The following DAG1 variants were observed in gnomAD, a reference collection of about 807,000 sequenced individuals.
DAG1 encodes the protein dystroglycan 1 (dystrophin-associated glycoprotein 1).
Under a neutral mutation model 46.1 loss-of-function variants are expected in DAG1, and 8 were observed. The observed-to-expected ratio is 0.17, with a 90% CI of 0.10 to 0.31. DAG1 has a LOEUF of 0.31. Among genes scored for constraint, DAG1 ranks in the 10% least tolerant of loss-of-function variants. DAG1 has a pLI of 1.00. For missense variants in DAG1, 1,003 were observed against 1,189.9 expected, an observed-to-expected ratio of 0.84 and a Z score of 2.31; for synonymous variants, 495 against 481.8, an observed-to-expected ratio of 1.03 and a Z score of -0.36.
chr3:49,479,339 T>C lies in DAG1; in HGVS notation c.-117+8906T>C, dbSNP rs576668770. ...TTTTTTTTTTTTTTGAGACAGAGTCTCTCTCTGTTGCCCAGGCTGGAGTGC... is the reference window on the plus strand; with the variant it reads ...TTTTTTTTTTTTTTGAGACAGAGTCCCTCTCTGTTGCCCAGGCTGGAGTGC... On this transcript the variant is annotated intron_variant, in intron 1 of 2. Transcript: ENST00000308775. Among the ~76,000 whole-genome samples, 4 of 150,852 alleles carry C rather than the reference T, an allele frequency of 2.7e-5. No homozygotes were observed. The South Asian group carries it at 8.4e-4, about 32-fold the overall frequency.
At chr3:49,518,174 G>A (rs1238274295) in intron 2 of DAG1, among the ~76,000 whole-genome samples, 1 of 152,186 alleles carries the variant, frequency 6.6e-6, no homozygotes, top group African/African-American at 2.4e-5. Flanking sequence ...GGGCAGGGCT[G>A]AGTTGCCAAA....
intron 1 of DAG1, among the ~76,000 whole-genome samples, chr3:49,490,368 T>G (rs1350801125): frequency 1.3e-5 from 2 of 151,182 alleles, no homozygotes; most frequent in Non-Finnish European, 3.0e-5. Context: ...AAAAAAAGTT[T>G]TTTTTTTTTA....
Position 49,531,470 on chromosome 3 carries a change from C to T in DAG1, c.959C>T (p.Pro320Leu), listed in dbSNP as rs1400800755. ...AGGCAGATCCATGCTACACCCACAC[C>T]TGTCACTGCCATTGGGCCCCCAACC... ...VRRQIHATPT[P>L]VTAIGPPTTA... is the part of the protein sequence containing the mutation. The change falls in exon 3 of 3, where the codon CCT becomes CTT. Residue 320 changes from proline to leucine, a missense_variant. By Grantham distance (98) the Pro-to-Leu change is moderately conservative. Coordinates refer to ENST00000308775, the MANE Select transcript of DAG1 (RefSeq NM_004393.6). The surrounding 1 kb of genome is among the most constrained non-coding windows in gnomAD (Gnocchi z 7.0). The T allele has an allele frequency of 1.9e-6, 3 of 1,614,032 alleles. No homozygotes were observed. Among genetic ancestry groups the T allele is most frequent in the Non-Finnish European group, 2.5e-6 (3 of 1,179,980 alleles).
At position 49,490,318 on chromosome 3, in the gene DAG1, C is replaced by T. The variant is rs1337415730; in HGVS notation, c.-117+19885C>T. ...CAGTGAGCCGAGATCGCGCCACTGC[C>T]CTCTAGCCTGGGCGACAGAGTGAGA... On this transcript the variant is annotated intron_variant, in intron 1 of 2. Coordinates refer to ENST00000308775, the MANE Select transcript of DAG1 (RefSeq NM_004393.6). 1.3e-5 allele frequency among the ~76,000 whole-genome samples: 2 copies of T among 151,204 alleles called. 1 individual carries two copies. Among genetic ancestry groups the T allele is most frequent in the African/African-American group, 4.9e-5 (2 of 41,146 alleles).
At chr3:49,523,070 A>G (rs1201260092) in intron 2 of DAG1, among the ~76,000 whole-genome samples, 2 of 151,938 alleles carry the variant, frequency 1.3e-5, no homozygotes, top group Non-Finnish European at 2.9e-5. Flanking sequence ...CTCTGCTGCT[A>G]AGGACCTCAG....
At chr3:49,488,052 A>G (rs1000546528) in intron 1 of DAG1, among the ~76,000 whole-genome samples, 5 of 152,182 alleles carry the variant, frequency 3.3e-5, no homozygotes, top group African/African-American at 1.2e-4. Context: ...AAGTTTTACT[A>G]GAAAAACATA....
chr3:49,481,290 T>A (rs2049874655), intron 1 of DAG1, among the ~76,000 whole-genome samples: 1 of 149,298 alleles, frequency 6.7e-6, no homozygotes, highest in African/African-American at 2.5e-5. Flanking sequence ...CCAGCTACTC[T>A]GGAGGCCGAG....
At chr3:49,525,721 G>A (rs537233340) in intron 2 of DAG1, among the ~76,000 whole-genome samples, 15 of 151,898 alleles carry the variant, frequency 9.9e-5, no homozygotes, top group East Asian at 7.7e-4. Flanking sequence ...ACCTCGCCCC[G>A]CTAATTTTTT....
At chr3:49,482,488 G>C (rs539504375) in intron 1 of DAG1, among the ~76,000 whole-genome samples, 8 of 152,306 alleles carry the variant, frequency 5.3e-5, no homozygotes, top group African/African-American at 1.7e-4. Flanking sequence ...CTGCCCTATG[G>C]GGGGAGGCGA....
At chr3:49,492,020 G>A (rs1379642244) in intron 1 of DAG1, among the ~76,000 whole-genome samples, 1 of 150,604 alleles carries the variant, frequency 6.6e-6, no homozygotes, top group Non-Finnish European at 1.5e-5. Flanking sequence ...TCTGCCTCCC[G>A]GGTTCAAGCA....
chr3:49,483,946 AC>A (rs924272879), intron 1 of DAG1, among the ~76,000 whole-genome samples: 36 of 152,244 alleles, frequency 2.4e-4, no homozygotes, highest in African/African-American at 8.2e-4. Context: ...GAGCCACCAC[AC>A]CCGGCCCAGA....
intron 2 of DAG1, among the ~76,000 whole-genome samples, chr3:49,520,555 A>G (rs1394464671): frequency 6.6e-6 from 1 of 152,244 alleles, no homozygotes; most frequent in Non-Finnish European, 1.5e-5. Context: ...TTGCCAACGC[A>G]GGCCTCTGCA....
chr3:49,492,842 A>C (rs1023467832), intron 1 of DAG1: 4 of 151,890 alleles, frequency 2.6e-5, no homozygotes, highest in African/African-American at 9.7e-5. Flanking sequence ...GGATCTCCTG[A>C]ATTTCCAGGT....
intron 2 of DAG1, among the ~76,000 whole-genome samples, chr3:49,525,509 C>G (rs1231876264): frequency 6.6e-6 from 1 of 151,632 alleles, no homozygotes; most frequent in Non-Finnish European, 1.5e-5. Context: ...AGAGCTGGCG[C>G]TTCACACGGC....
At chr3:49,518,897 T>C (rs1422310143) in intron 2 of DAG1, among the ~76,000 whole-genome samples, 1 of 152,190 alleles carries the variant, frequency 6.6e-6, no homozygotes, top group Non-Finnish European at 1.5e-5. Flanking sequence ...CTAAAGCAGA[T>C]AGTCTTGATG....
chr3:49,513,768 C>CTTTATG (rs1368773567), intron 2 of DAG1, among the ~76,000 whole-genome samples: 1 of 152,148 alleles, frequency 6.6e-6, no homozygotes, highest in Non-Finnish European at 1.5e-5. Flanking sequence ...CATAAAGTTT[C>CTTTATG]CTTGTCATCT....
At position 49,532,711 on chromosome 3, in the gene DAG1, A is replaced by C. The variant is rs762713364; in HGVS notation, c.2200A>C (p.Thr734Pro). 2 of 1,614,130 alleles carry C rather than the reference A, an allele frequency of 1.2e-6. No homozygotes were observed. Among genetic ancestry groups the C allele is most frequent in the South Asian group, 1.1e-5 (1 of 91,080 alleles). The change falls in exon 3 of 3, where the codon ACA (threonine) becomes CCA (proline). Residue 734 changes from threonine to proline, a missense_variant. Thr to Pro is a conservative substitution (Grantham distance 38). Coordinates refer to ENST00000308775, the MANE Select transcript of DAG1 (RefSeq NM_004393.6). This position sits in a 1 kb window ranked among gnomAD's most constrained non-coding sequence, Gnocchi z 5.4. ...GAGAGTGCCCTCAGAGGCGCCGCCCACAGAAGTGCCTGACAGGGACCCTGA... is the reference window on the plus strand; with the variant it reads ...GAGAGTGCCCTCAGAGGCGCCGCCCCCAGAAGTGCCTGACAGGGACCCTGA... ...PRRVPSEAPP[T>P]EVPDRDPEKS... is the part of the protein sequence containing the mutation.
At chr3:49,521,514 C>T (rs770733345) in intron 2 of DAG1, among the ~76,000 whole-genome samples, 19 of 152,252 alleles carry the variant, frequency 1.2e-4, no homozygotes, top group African/African-American at 2.2e-4. Flanking sequence ...GGCCAAGGTG[C>T]GGTGGCGCAA....
At position 49,475,945 on chromosome 3, in the gene DAG1, G is replaced by C. The variant is rs9821264; in HGVS notation, c.-117+5512G>C. Among the ~76,000 whole-genome samples, 406 of 151,884 alleles carry C rather than the reference G, an allele frequency of 2.7e-3. 1 individual carries two copies. The highest frequency in any genetic ancestry group is 9.3e-3 in the African/African-American group (387 of 41,422). ...TGTGTTAGGATGGTCTTGATCTCCT[G>C]ACCTCATGATCTGCCCACCTTGGCC... is the stretch of plus-strand genomic sequence containing the variant. On this transcript the variant is annotated intron_variant, in intron 1 of 2. Coordinates refer to ENST00000308775, the MANE Select transcript of DAG1 (RefSeq NM_004393.6).
Sources: allele counts gnomAD v4.1 joint callset (sites outside exome capture counted in the v4.1 genomes callset), GRCh38; gene constraint gnomAD v4.1.1; non-coding constraint Gnocchi (gnomAD v3.1); transcripts MANE v1.5; gene names NCBI Gene and HGNC (gene_info 2026-07-23, HGNC 2026-07-21).